The following USP32 variants were observed in gnomAD, a reference collection of about 807,000 sequenced individuals.
USP32 encodes ubiquitin specific peptidase 32.
In USP32, 59 loss-of-function variants were observed where a neutral mutation model predicts 204.8. That is an observed-to-expected ratio of 0.29 (90% confidence interval 0.23 to 0.36). The LOEUF (loss-of-function observed/expected upper bound fraction) is 0.36, where lower values mean the gene tolerates loss of function less well. USP32 is among the 10% of genes least tolerant of loss of function. The pLI is 1.00. For synonymous variants in USP32, 517 were observed against 678.4 expected (o/e 0.76, Z 3.70); for missense variants, 1,160 against 1,946.4 (o/e 0.60, Z 7.60).
intron 1 of USP32, among the ~76,000 whole-genome samples, chr17:60,365,957 G>A (rs1450147713): frequency 6.6e-6 from 1 of 152,072 alleles, no homozygotes; most frequent in Non-Finnish European, 1.5e-5. Context: ...TAGAGAGAGG[G>A]TCTCGCTCCC....
At chr17:60,224,558 G>C (rs758292748) in intron 13 of USP32, among the ~76,000 whole-genome samples, 2 of 152,210 alleles carry the variant, frequency 1.3e-5, no homozygotes, top group African/African-American at 4.8e-5. Flanking sequence ...GCCAAGGCTG[G>C]AGGACTGCTT....
chr17:60,412,676 T>A (rs1276979452), intron 1 of USP32, among the ~76,000 whole-genome samples: 1 of 151,090 alleles, frequency 6.6e-6, no homozygotes, highest in Non-Finnish European at 1.5e-5. Context: ...AGGGAGGGAG[T>A]GGGGTACAAA....
At chr17:60,239,557 C>A (rs1054054884) in intron 11 of USP32, among the ~76,000 whole-genome samples, 3 of 152,034 alleles carry the variant, frequency 2.0e-5, no homozygotes, top group African/African-American at 7.2e-5. Flanking sequence ...TTTTATTTAA[C>A]TTCTCTGATT....
intron 2 of USP32, among the ~76,000 whole-genome samples, chr17:60,334,505 T>C (rs2088467925): frequency 6.6e-6 from 1 of 151,898 alleles, no homozygotes; most frequent in Non-Finnish European, 1.5e-5. Flanking sequence ...AAAATCTGTG[T>C]ATAAGTGAAA....
intron 1 of USP32, among the ~76,000 whole-genome samples, chr17:60,353,700 C>T (rs2089005278): frequency 6.6e-6 from 1 of 152,114 alleles, no homozygotes; most frequent in South Asian, 2.1e-4. Context: ...GAGATTGCAC[C>T]ACTGCACCCC....
intron 2 of USP32, among the ~76,000 whole-genome samples, chr17:60,315,335 G>A (rs2087947962): frequency 6.6e-6 from 1 of 152,156 alleles, no homozygotes; most frequent in Admixed American, 6.6e-5. Context: ...GGAAGGCAGA[G>A]GTTGCAGTGA....
chr17:60,385,322 C>G (rs757665381), intron 1 of USP32, among the ~76,000 whole-genome samples: 1 of 152,212 alleles, frequency 6.6e-6, no homozygotes, highest in Non-Finnish European at 1.5e-5. Context: ...TTGGACTCAG[C>G]CCGCCTGCAC....
intron 2 of USP32, among the ~76,000 whole-genome samples, chr17:60,331,903 AAAAAT>A (rs1479362909): frequency 6.9e-6 from 1 of 145,170 alleles, no homozygotes; most frequent in African/African-American, 2.6e-5. Context: ...CATCTCAAAA[AAAAAT>A]AAAATAAACT....
At chr17:60,297,411 A>C (rs1378775937) in intron 3 of USP32, among the ~76,000 whole-genome samples, 2 of 151,644 alleles carry the variant, frequency 1.3e-5, no homozygotes, top group Non-Finnish European at 2.9e-5. Flanking sequence ...ATCAATCAAT[A>C]AACTATGTTC....
At chr17:60,387,993 T>TACCCA (rs2089760580) in intron 1 of USP32, among the ~76,000 whole-genome samples, 2 of 152,178 alleles carry the variant, frequency 1.3e-5, no homozygotes, top group African/African-American at 4.8e-5. Context: ...TATATACACT[T>TACCCA]AGTGGAGATC....
chr17:60,183,094 A>G, intron 31 of USP32, 71 bp downstream of exon 31: 1 of 1,509,112 alleles, frequency 6.6e-7, no homozygotes. Flanking sequence ...GTTCCAGAAC[A>G]GAAGACAGAG....
chr17:60,332,060 T>C (rs1268100047), intron 2 of USP32, among the ~76,000 whole-genome samples: 2 of 151,974 alleles, frequency 1.3e-5, no homozygotes, highest in Admixed American at 6.6e-5. Context: ...TTTGGCAACA[T>C]AGCGAAACCC....
intron 1 of USP32, among the ~76,000 whole-genome samples, chr17:60,377,245 A>G (rs540616129): frequency 6.6e-6 from 1 of 152,346 alleles, no homozygotes; most frequent in South Asian, 2.1e-4. Flanking sequence ...GGATCTCTTG[A>G]GGCCAAGAGT....
At chr17:60,186,052 C>CA (rs1010993361) in intron 29 of USP32, 6 of 156,114 alleles carry the variant, frequency 3.8e-5, no homozygotes, top group Admixed American at 6.4e-5. Flanking sequence ...GACCCTGTCT[C>CA]AAAAAAAAGG....
At chr17:60,335,784 G>A (rs781753849) in intron 2 of USP32, among the ~76,000 whole-genome samples, 5 of 143,078 alleles carry the variant, frequency 3.5e-5, no homozygotes, top group Non-Finnish European at 7.4e-5. Flanking sequence ...TGGGCAATGG[G>A]TCATGTGCTT....
intron 1 of USP32, among the ~76,000 whole-genome samples, chr17:60,348,857 A>G (rs905056919): frequency 2.6e-5 from 4 of 152,194 alleles, no homozygotes; most frequent in African/African-American, 7.2e-5. Flanking sequence ...TTCATGGTTC[A>G]GCAACATAGA....
At chr17:60,373,842 CA>C (rs2089490146) in intron 1 of USP32, among the ~76,000 whole-genome samples, 1 of 152,042 alleles carries the variant, frequency 6.6e-6, no homozygotes, top group East Asian at 1.9e-4. Context: ...GTACAGTGTC[CA>C]AAAATATTTT....
chr17:60,186,793 G>A (rs529191809), intron 29 of USP32, among the ~76,000 whole-genome samples: 1 of 152,280 alleles, frequency 6.6e-6, no homozygotes, highest in South Asian at 2.1e-4. Context: ...AGGATCTAGA[G>A]TGCAACAGAA....
chr17:60,184,210 G>A (rs753565322), intron 30 of USP32, among the ~76,000 whole-genome samples: 6 of 151,658 alleles, frequency 4.0e-5, no homozygotes, highest in African/African-American at 1.5e-4. Flanking sequence ...AGCTACTCAG[G>A]AGGCTGAGGC....
Sources: gnomAD v4.1 joint callset for allele counts (sites outside exome capture counted in the v4.1 genomes callset) on GRCh38, gnomAD v4.1.1 for gene constraint, MANE v1.5 for transcripts, NCBI Gene and HGNC (gene_info 2026-07-23, HGNC 2026-07-21) for gene names.